Variants in CMSS1 observed in about 807,000 individuals in gnomAD.
CMSS1 encodes the protein cms1 ribosomal small subunit homolog, also known as protein CMSS1.
In CMSS1, 33 loss-of-function variants were observed where a neutral mutation model predicts 43.5. The ratio of observed to expected loss-of-function variants is 0.76; its 90% CI spans 0.57 to 1.01. The LOEUF (loss-of-function observed/expected upper bound fraction) is 1.01. Ranked by LOEUF, CMSS1 falls within the 50% of genes least tolerant of loss-of-function variation. CMSS1 has a pLI of 0.00. For missense variants in CMSS1, 313 were observed against 326.4 expected, an observed-to-expected ratio of 0.96 and a Z score of 0.32; for synonymous variants, 115 against 117.2, an observed-to-expected ratio of 0.98 and a Z score of 0.12.
chr3:100,070,439 TA>T (rs34395519), intron 1 of CMSS1, among the ~76,000 whole-genome samples: 74,929 of 151,930 alleles, frequency 0.49, 18,915 homozygotes, highest in East Asian at 0.69. Flanking sequence ...AGGACTTGAA[TA>T]TTAAATAATG....
intron 1 of CMSS1, among the ~76,000 whole-genome samples, chr3:100,111,713 C>T (rs963528312): frequency 3.9e-5 from 6 of 152,170 alleles, no homozygotes; most frequent in African/African-American, 1.2e-4. Flanking sequence ...CTGTCTTAGA[C>T]TTCCTGTCTG....
chr3:99,991,877 CAT>C (rs1319545183), intron 1 of CMSS1, among the ~76,000 whole-genome samples: 1 of 145,418 alleles, frequency 6.9e-6, no homozygotes, highest in Non-Finnish European at 1.5e-5. Flanking sequence ...TATATACACA[CAT>C]ATATGTATAT....
intron 1 of CMSS1, chr3:99,925,921 A>G (rs989359380): frequency 8.2e-6 from 8 of 979,584 alleles, no homozygotes; most frequent in Non-Finnish European, 9.7e-6. Context: ...CTGCCACCAG[A>G]AAAACATGTT....
intron 2 of CMSS1, among the ~76,000 whole-genome samples, chr3:100,154,484 AC>A (rs1295462895): frequency 6.6e-6 from 1 of 152,184 alleles, no homozygotes; most frequent in Admixed American, 6.5e-5. Context: ...ATCCTTGTCA[AC>A]ATTTGGAGTT....
intron 1 of CMSS1, among the ~76,000 whole-genome samples, chr3:100,142,620 A>G (rs905175248): frequency 1.3e-5 from 2 of 152,214 alleles, no homozygotes; most frequent in Non-Finnish European, 2.9e-5. Context: ...TTCAGCTAGC[A>G]GATTCTGAAG....
At chr3:100,071,902 A>T (rs960067120) in intron 1 of CMSS1, among the ~76,000 whole-genome samples, 2 of 152,038 alleles carry the variant, frequency 1.3e-5, no homozygotes, top group African/African-American at 4.8e-5. Flanking sequence ...CTTCAGGGGG[A>T]CTTTGCCATA....
At chr3:100,096,765 A>G (rs1041256511) in intron 1 of CMSS1, among the ~76,000 whole-genome samples, 8 of 152,356 alleles carry the variant, frequency 5.3e-5, no homozygotes, top group African/African-American at 1.7e-4. Flanking sequence ...CTGAAAGAGT[A>G]TAATTGGATT....
intron 9 of CMSS1, among the ~76,000 whole-genome samples, chr3:100,176,948 A>T (rs769367108): frequency 3.9e-5 from 6 of 152,206 alleles, no homozygotes; most frequent in Non-Finnish European, 4.4e-5. Context: ...GCACAGTATT[A>T]GCTCATTATA....
intron 1 of CMSS1, among the ~76,000 whole-genome samples, chr3:99,916,485 C>T (rs903330133): frequency 4.7e-5 from 7 of 148,322 alleles, no homozygotes; most frequent in Admixed American, 1.4e-4. Context: ...CACACACACA[C>T]GTTCTGTTTC....
chr3:99,831,631 A>G (rs1167423561), intron 1 of CMSS1, among the ~76,000 whole-genome samples: 1 of 152,188 alleles, frequency 6.6e-6, no homozygotes, highest in Non-Finnish European at 1.5e-5. Flanking sequence ...CCTTCCCAAG[A>G]TGGATTTCTG....
At chr3:100,174,445 A>T (rs1178028503) in intron 8 of CMSS1, among the ~76,000 whole-genome samples, 2 of 151,964 alleles carry the variant, frequency 1.3e-5, no homozygotes, top group Admixed American at 1.3e-4. Flanking sequence ...TATCCAGACT[A>T]TTGAAATCAG....
At chr3:99,985,821 T>G (rs1709323320) in intron 1 of CMSS1, among the ~76,000 whole-genome samples, 1 of 152,164 alleles carries the variant, frequency 6.6e-6, no homozygotes, top group Non-Finnish European at 1.5e-5. Context: ...ACTCCTGACC[T>G]CAGGTGATCC....
chr3:100,070,703 C>T lies in CMSS1; in HGVS notation c.65-76270C>T, dbSNP rs545524272. Among the ~76,000 whole-genome samples, 34 of 152,312 alleles carry T rather than the reference C, an allele frequency of 2.2e-4. No individual in the cohort carries two copies. The South Asian group carries it at 6.4e-3, about 29-fold the overall frequency. Reference sequence around the variant, plus strand: ...CTGGAGTGCAGTGGCGCAATCTCGGCTCACTGCAACCTCCACCTCCCGGGT... The same window carrying T: ...CTGGAGTGCAGTGGCGCAATCTCGGTTCACTGCAACCTCCACCTCCCGGGT... On this transcript the variant is annotated intron_variant, in intron 1 of 9. Transcript: ENST00000421999.
At chr3:99,830,609 G>A (rs1215483956) in intron 1 of CMSS1, 1 of 456,378 alleles carries the variant, frequency 2.2e-6, no homozygotes, top group Non-Finnish European at 4.4e-6. Context: ...CCTTGATCTT[G>A]AATTAAACAA....
intron 2 of CMSS1, among the ~76,000 whole-genome samples, chr3:100,148,938 C>G (rs1314875048): frequency 6.6e-6 from 1 of 152,010 alleles, no homozygotes; most frequent in Non-Finnish European, 1.5e-5. Flanking sequence ...GGTAACACAT[C>G]CGTAGCTCTT....
At chr3:100,071,090 C>CTTTTTTTTTTTTTTTTT (rs61563009) in intron 1 of CMSS1, among the ~76,000 whole-genome samples, 1 of 70,588 alleles carries the variant, frequency 1.4e-5, no homozygotes, top group African/African-American at 6.1e-5. Flanking sequence ...GCTACTCTCT[C>CTTTTTTTTTTTTTTTTT]TTTTTTTTTT....
intron 1 of CMSS1, among the ~76,000 whole-genome samples, chr3:100,000,182 CCTTCTTCTGATCCTTCAGG>C (rs992302382): frequency 2.6e-5 from 4 of 152,180 alleles, no homozygotes; most frequent in Admixed American, 6.5e-5. Context: ...TTTCTTCCTG[CCTTCTTCTGATCCTTCAGG>C]TCTCTATCTA....
intron 1 of CMSS1, among the ~76,000 whole-genome samples, chr3:99,984,302 T>C (rs1462823786): frequency 6.6e-6 from 1 of 152,232 alleles, no homozygotes; most frequent in Non-Finnish European, 1.5e-5. Flanking sequence ...GGCTATATTT[T>C]GTCTTCTCCA....
At chr3:99,854,466 G>A (rs1448470251) in intron 1 of CMSS1, among the ~76,000 whole-genome samples, 1 of 152,128 alleles carries the variant, frequency 6.6e-6, no homozygotes, top group Admixed American at 6.5e-5. Flanking sequence ...CCTAAGAGCT[G>A]TGTAGTCAAA....
Sources: gnomAD v4.1 joint callset for allele counts (sites outside exome capture counted in the v4.1 genomes callset) on GRCh38, gnomAD v4.1.1 for gene constraint, MANE v1.5 for transcripts, NCBI Gene and HGNC (gene_info 2026-07-23, HGNC 2026-07-21) for gene names.